The following PTPRZ1 variants were observed in gnomAD, a reference collection of about 807,000 sequenced individuals.
PTPRZ1 encodes the protein receptor-type tyrosine-protein phosphatase zeta.
PTPRZ1 carries 82 observed loss-of-function variants against 214.1 expected under a neutral mutation model. The observed-to-expected ratio is 0.38, with a 90% CI of 0.32 to 0.46. The LOEUF is 0.46. PTPRZ1 is among the 20% of genes least tolerant of loss of function. PTPRZ1 has a pLI of 1.00. For missense variants in PTPRZ1, 2,603 were observed against 2,748.7 expected (o/e 0.95, Z 1.19); for synonymous variants, 945 against 987.9 (o/e 0.96, Z 0.81).
At chr7:121,979,478 A>G (rs911137130) in intron 6 of PTPRZ1, among the ~76,000 whole-genome samples, 1 of 152,178 alleles carries the variant, frequency 6.6e-6, no homozygotes, top group Admixed American at 6.5e-5. Flanking sequence ...AAATTTCTGT[A>G]CTGAAAAGTC....
At chr7:121,874,385 A>G in intron 1 of PTPRZ1, among the ~76,000 whole-genome samples, 1 of 152,142 alleles carries the variant, frequency 6.6e-6, no homozygotes, top group Non-Finnish European at 1.5e-5. Flanking sequence ...GCAAGATTGG[A>G]CTTTTGCGTT....
Position 122,028,703 on chromosome 7 carries a change from T to C in PTPRZ1, c.5080+60T>C, listed in dbSNP as rs1165056922. 3 of 1,326,376 alleles carry C rather than the reference T, an allele frequency of 2.3e-6. No homozygotes were observed. The African/African-American group carries it at 4.4e-5, about 19-fold the overall frequency. 82.2% of individuals were successfully genotyped at this position (1,326,376 alleles called of 1,614,324 possible). Reference sequence around the variant, plus strand: ...AGATGTTGAACAAAAAGCACAATGTTGAAAGGTTTGTTTTTATCGGGACAC... The same window carrying C: ...AGATGTTGAACAAAAAGCACAATGTCGAAAGGTTTGTTTTTATCGGGACAC... On this transcript the variant is annotated intron_variant, in intron 14 of 29. Coordinates refer to ENST00000393386, the MANE Select transcript of PTPRZ1 (RefSeq NM_002851.3).
In PTPRZ1 at chr7:121,972,543, G is replaced by A. The variant is rs1797287194; in HGVS notation, c.307G>A (p.Glu103Lys). 1.3e-6 allele frequency: 2 copies of A among 1,581,390 alleles called. No homozygotes were observed. Among genetic ancestry groups the A allele is most frequent in the Middle Eastern group, 1.7e-4 (1 of 5,878 alleles). ...TGCAATTGTATTTCTTTTTTTAGTG[G>A]AAATTAATCTCACTAATGACTACCG... ...TFIHNTGKTV[E>K]INLTNDYRVS... The change falls in exon 4 of 30, where the codon GAA (glutamate) becomes AAA (lysine). Residue 103 changes from glutamate to lysine, a missense_variant and splice_region_variant. By Grantham distance (56) the Glu-to-Lys change is moderately conservative. Around this residue, in one of 6 missense-constraint regions of PTPRZ1, gnomAD observed 141 missense variants for 143.7 expected, o/e 0.98. Transcript: ENST00000393386.
chr7:121,887,585 G>A (rs1794435900), intron 1 of PTPRZ1, among the ~76,000 whole-genome samples: 1 of 152,132 alleles, frequency 6.6e-6, no homozygotes, highest in South Asian at 2.1e-4. Context: ...CTTCCTAAGG[G>A]CTTTTACTCA....
At chr7:121,951,542 T>C (rs1796541270) in intron 2 of PTPRZ1, among the ~76,000 whole-genome samples, 1 of 152,198 alleles carries the variant, frequency 6.6e-6, no homozygotes, top group Non-Finnish European at 1.5e-5. Context: ...TGTAAGTGCA[T>C]TGTTGACTTT....
chr7:121,978,239 C>G (rs1797500837), intron 6 of PTPRZ1, among the ~76,000 whole-genome samples: 1 of 152,180 alleles, frequency 6.6e-6, no homozygotes, highest in Admixed American at 6.6e-5. Flanking sequence ...TGCCTATATT[C>G]TGGCTCTTAA....
At chr7:122,024,666 A>G (rs1352466258) in intron 13 of PTPRZ1, among the ~76,000 whole-genome samples, 1 of 152,062 alleles carries the variant, frequency 6.6e-6, no homozygotes, top group African/African-American at 2.4e-5. Context: ...AATGCCAAAT[A>G]GGGTTATTGG....
intron 22 of PTPRZ1, among the ~76,000 whole-genome samples, chr7:122,044,096 C>G (rs990025221): frequency 6.6e-6 from 1 of 152,096 alleles, no homozygotes; most frequent in Non-Finnish European, 1.5e-5. Flanking sequence ...AGAAAGCCCT[C>G]TCATGAAGTA....
At chr7:122,002,348 T>G (rs981713374) in intron 10 of PTPRZ1, among the ~76,000 whole-genome samples, 1 of 152,138 alleles carries the variant, frequency 6.6e-6, no homozygotes, top group East Asian at 1.9e-4. Flanking sequence ...TGCTCACCCA[T>G]GAGAGTGCCA....
At chr7:122,001,899 A>G (rs917535748) in intron 10 of PTPRZ1, among the ~76,000 whole-genome samples, 2 of 152,140 alleles carry the variant, frequency 1.3e-5, no homozygotes, top group African/African-American at 4.8e-5. Flanking sequence ...TATGGAGTCT[A>G]TTTTGATGAA....
chr7:121,894,431 G>T (rs144393605), intron 1 of PTPRZ1, among the ~76,000 whole-genome samples: 1 of 151,926 alleles, frequency 6.6e-6, no homozygotes, highest in Non-Finnish European at 1.5e-5. Context: ...TTTGAGAAGG[G>T]ATCTGCCTCT....
At chr7:121,893,610 G>A (rs1794702581) in intron 1 of PTPRZ1, among the ~76,000 whole-genome samples, 1 of 152,202 alleles carries the variant, frequency 6.6e-6, no homozygotes, top group African/African-American at 2.4e-5. Flanking sequence ...ATTTATTCTG[G>A]ATGGCCAGGT....
chr7:121,891,300 T>TTTTTCTAAA (rs1257990447), intron 1 of PTPRZ1, among the ~76,000 whole-genome samples: 1 of 151,934 alleles, frequency 6.6e-6, no homozygotes, highest in African/African-American at 2.4e-5. Flanking sequence ...CACTCATGCA[T>TTTTTCTAAA]TTTTCTAAAT....
intron 17 of PTPRZ1, among the ~76,000 whole-genome samples, chr7:122,036,215 T>C (rs1265933133): frequency 2.0e-5 from 3 of 152,190 alleles, no homozygotes; most frequent in Admixed American, 2.0e-4. Flanking sequence ...TTCGAGAAGC[T>C]CTCCACTGTT....
chr7:121,974,723 C>T (rs542192413), intron 4 of PTPRZ1, among the ~76,000 whole-genome samples: 3 of 152,122 alleles, frequency 2.0e-5, no homozygotes, highest in East Asian at 1.9e-4. Flanking sequence ...CTCCTGACCT[C>T]GTGATCCACC....
intron 1 of PTPRZ1, among the ~76,000 whole-genome samples, chr7:121,898,813 T>G (rs1184638677): frequency 1.3e-5 from 2 of 152,180 alleles, no homozygotes; most frequent in East Asian, 3.9e-4. Context: ...GGGAAGCTCT[T>G]AGTAAGTAGC....
At chr7:121,917,820 AT>A (rs1303717934) in intron 1 of PTPRZ1, among the ~76,000 whole-genome samples, 2 of 152,200 alleles carry the variant, frequency 1.3e-5, no homozygotes, top group African/African-American at 2.4e-5. Context: ...GCATAAAAAA[AT>A]ATGTGTTTAT....
intron 8 of PTPRZ1, among the ~76,000 whole-genome samples, chr7:121,985,807 C>T (rs1797749804): frequency 6.6e-6 from 1 of 152,234 alleles, no homozygotes; most frequent in East Asian, 1.9e-4. Flanking sequence ...TGCTCAGCTT[C>T]TCCAGACTTC....
chr7:122,023,304 C>T (rs1196205735), intron 13 of PTPRZ1, among the ~76,000 whole-genome samples: 1 of 151,000 alleles, frequency 6.6e-6, no homozygotes, highest in Non-Finnish European at 1.5e-5. Flanking sequence ...AGATCTCTTT[C>T]CTAGTTCTGC....
Sources: gnomAD v4.1 joint callset for allele counts (sites outside exome capture counted in the v4.1 genomes callset) on GRCh38, gnomAD v4.1.1 for gene constraint, gnomAD v4.1.1 regional missense constraint, MANE v1.5 for transcripts, NCBI Gene and HGNC (gene_info 2026-07-23, HGNC 2026-07-21) for gene names.